The following NUDT9 variants were observed in gnomAD, a reference collection of about 807,000 sequenced individuals.
NUDT9 encodes nudix hydrolase 9, also known as ADP-ribose pyrophosphatase.
NUDT9 carries 31 observed loss-of-function variants against 41.0 expected under a neutral mutation model. The observed-to-expected ratio is 0.76, with a 90% CI of 0.57 to 1.02. NUDT9 has a LOEUF of 1.02. Ranked by LOEUF, NUDT9 falls within the 50% of genes least tolerant of loss-of-function variation. The pLI, the probability that NUDT9 is intolerant of heterozygous loss-of-function variation, is 0.00. For missense variants in NUDT9, 380 were observed against 431.4 expected, an observed-to-expected ratio of 0.88 and a Z score of 1.06; for synonymous variants, 146 against 147.6, an observed-to-expected ratio of 0.99 and a Z score of 0.08.
chr4:87,443,271 A>G (rs1406414475), intron 4 of NUDT9, among the ~76,000 whole-genome samples: 1 of 152,216 alleles, frequency 6.6e-6, no homozygotes, highest in African/African-American at 2.4e-5. Context: ...ATGCCTGCAC[A>G]TGTATATTAC....
intron 4 of NUDT9, among the ~76,000 whole-genome samples, chr4:87,443,196 C>T (rs995110118): frequency 3.3e-5 from 5 of 152,034 alleles, no homozygotes; most frequent in African/African-American, 9.7e-5. Context: ...ATGGGACCAC[C>T]GTTGCATATG....
intron 2 of NUDT9, among the ~76,000 whole-genome samples, chr4:87,436,966 G>A (rs1721964799): frequency 6.6e-6 from 1 of 151,940 alleles, no homozygotes; most frequent in Admixed American, 6.6e-5. Context: ...TGTTTTTGTT[G>A]GGCCAGGCAC....
chr4:87,452,097 G>A (rs1040829536), intron 6 of NUDT9, among the ~76,000 whole-genome samples: 1 of 151,664 alleles, frequency 6.6e-6, no homozygotes, highest in African/African-American at 2.4e-5. Flanking sequence ...TCACCTCCCA[G>A]GTTCAAGCAA....
chr4:87,446,435 A>G lies in NUDT9; in HGVS notation c.531-2707A>G, dbSNP rs139873588. Among the ~76,000 whole-genome samples the G allele has an allele frequency of 2.6e-3, 402 of 152,078 alleles. 1 individual carries two copies. The highest frequency in any genetic ancestry group is 8.8e-3 in the African/African-American group (364 of 41,512). On this transcript the variant is annotated intron_variant, in intron 4 of 7. Transcript: ENST00000302174. ...TATTTAGTAGAGACAGGGTTTCACC[A>G]TGTTGGCCAGGATGGTCTTGATCTC...
chr4:87,449,189 G>T lies in NUDT9; in HGVS notation c.578G>T (p.Gly193Val). The T allele has an allele frequency of 6.2e-7, 1 of 1,611,616 alleles. No homozygotes were observed. Among genetic ancestry groups the T allele is most frequent in the Non-Finnish European group, 8.5e-7 (1 of 1,177,862 alleles). ...AATAAAATCATGCATCCTGTTTCTG[G>T]GAAGCATATCTTACAATTTGTTGCA... ...SGNKIMHPVS[G>V]KHILQFVAIK... Residue 193 changes from glycine to valine, a missense_variant, in exon 5 of 8, where the codon GGG becomes GTG. Physicochemically the swap from Gly to Val is moderately radical, Grantham distance 109. Coordinates refer to ENST00000302174, the MANE Select transcript of NUDT9 (RefSeq NM_024047.5).
At chr4:87,454,937 G>T (rs552640700) in intron 7 of NUDT9, among the ~76,000 whole-genome samples, 187 of 152,238 alleles carry the variant, frequency 1.2e-3, no homozygotes, top group African/African-American at 4.2e-3. Flanking sequence ...GCTGTTTCTG[G>T]TGTATGGAAT....
At chr4:87,436,050 G>A (rs1324526889) in intron 2 of NUDT9, among the ~76,000 whole-genome samples, 1 of 152,144 alleles carries the variant, frequency 6.6e-6, no homozygotes, top group African/African-American at 2.4e-5. Flanking sequence ...CTGGAGTACA[G>A]TGATGTGATC....
At chr4:87,434,906 A>G in intron 1 of NUDT9, 75 bp from the exon 2 acceptor site, 1 of 1,351,582 alleles carries the variant, frequency 7.4e-7, no homozygotes. Context: ...GGCGTAAGCC[A>G]CTGCACCCGG....
intron 2 of NUDT9, among the ~76,000 whole-genome samples, chr4:87,436,557 T>TAA (rs1455172098): frequency 6.6e-6 from 1 of 152,210 alleles, no homozygotes; most frequent in Non-Finnish European, 1.5e-5. Flanking sequence ...GTGATCCTTC[T>TAA]GCCTTGGCCT....
chr4:87,448,138 A>ATTTTT (rs1213818782), intron 4 of NUDT9, among the ~76,000 whole-genome samples: 14 of 92,378 alleles, frequency 1.5e-4, no homozygotes, highest in Admixed American at 2.7e-4. Context: ...TTAAAAGCAA[A>ATTTTT]TTTTTTTTTT....
intron 1 of NUDT9, among the ~76,000 whole-genome samples, chr4:87,426,508 C>T (rs1220989946): frequency 2.0e-5 from 3 of 151,730 alleles, no homozygotes; most frequent in Non-Finnish European, 4.4e-5. Context: ...CTCCAGGGTT[C>T]AAGCGATTCT....
At chr4:87,454,265 G>T (rs934111781) in intron 6 of NUDT9, 106 bp from the exon 7 acceptor site, 2 of 661,378 alleles carry the variant, frequency 3.0e-6, no homozygotes, top group African/African-American at 3.6e-5. Flanking sequence ...TGTTCATGTT[G>T]TTGGGCAACA....
At chr4:87,428,952 T>A (rs1721553847) in intron 1 of NUDT9, among the ~76,000 whole-genome samples, 1 of 152,162 alleles carries the variant, frequency 6.6e-6, no homozygotes, top group Admixed American at 6.5e-5. Context: ...TCTTGTACTT[T>A]ATGGTTTGGA....
At position 87,458,816 on chromosome 4, in the gene NUDT9, T is replaced by C. The variant is rs902070369; in HGVS notation, c.*795T>C. 1.3e-5 allele frequency: 2 copies of C among 152,006 alleles called. No individual in the cohort carries two copies. Among genetic ancestry groups the C allele is most frequent in the African/African-American group, 2.4e-5 (1 of 41,364 alleles). The allele number at this position is 152,006 out of a possible 1,614,324, so 9.4% of individuals were successfully genotyped here. On this transcript the variant is annotated 3_prime_UTR_variant, in exon 8 of 8. Transcript: ENST00000302174. ...CAAAAAATTACAGATGCTAGTGAGG[T>C]TGTAGAGAAAAAGGAATGCTTATAC...
intron 3 of NUDT9, among the ~76,000 whole-genome samples, chr4:87,440,618 C>T (rs941040546): frequency 2.6e-4 from 39 of 152,074 alleles, no homozygotes; most frequent in African/African-American, 8.9e-4. Flanking sequence ...GAGGCTGAGG[C>T]GGGTGGATCG....
rs765252270 is a variant in NUDT9 at position 87,435,069 on chromosome 4, C to T, written c.196C>T (p.Arg66Trp). 2.3e-5 allele frequency: 37 copies of T among 1,614,036 alleles called. No individual in the cohort carries two copies. Among genetic ancestry groups the T allele is most frequent in the Non-Finnish European group, 2.7e-5 (32 of 1,180,048 alleles). ...CAAAGAAAATTCTCACAATAAGGCT[C>T]GGACGTCTCCTTACCCAGGTTCAAA... Reference protein sequence around the residue: ...GSKENSHNKARTSPYPGSKVE... With the variant: ...GSKENSHNKAWTSPYPGSKVE... Residue 66 changes from arginine (R) to tryptophan (W), a missense_variant, in exon 2 of 8, where the codon CGG becomes TGG. Transcript: ENST00000302174.
intron 1 of NUDT9, among the ~76,000 whole-genome samples, chr4:87,426,041 G>A (rs1207347349): frequency 1.3e-5 from 2 of 152,016 alleles, no homozygotes; most frequent in East Asian, 3.9e-4. Context: ...TCAAACTATT[G>A]GGCTCAAGTG....
chr4:87,435,232 A>G lies in NUDT9; in HGVS notation c.347+12A>G. 1 of 1,600,722 alleles carries G rather than the reference A, an allele frequency of 6.2e-7. No homozygotes were observed. Among genetic ancestry groups the G allele is most frequent in the Non-Finnish European group, 8.5e-7 (1 of 1,173,374 alleles). On this transcript the variant is annotated intron_variant, in intron 2 of 7. Coordinates refer to ENST00000302174, the MANE Select transcript of NUDT9 (RefSeq NM_024047.5). ...GATCCTCAGATCAGGTGAGCAAATA[A>G]GACAGCGTTAGCTGGGAATAAGACT...
At chr4:87,430,513 G>T (rs1721639890) in intron 1 of NUDT9, among the ~76,000 whole-genome samples, 1 of 152,052 alleles carries the variant, frequency 6.6e-6, no homozygotes, top group Admixed American at 6.5e-5. Context: ...TCTTTTTTCA[G>T]CAATGCCTTA....
Sources: allele counts gnomAD v4.1 joint callset (sites outside exome capture counted in the v4.1 genomes callset), GRCh38; gene constraint gnomAD v4.1.1; transcripts MANE v1.5; gene names NCBI Gene and HGNC (gene_info 2026-07-23, HGNC 2026-07-21).